LRBA: variants seen among roughly 807,000 people sequenced by gnomAD.
The protein encoded by LRBA is lipopolysaccharide-responsive and beige-like anchor protein.
In LRBA, 176 loss-of-function variants were observed where a neutral mutation model predicts 330.0. That is an observed-to-expected ratio of 0.53 (90% CI 0.47 to 0.60). The LOEUF (loss-of-function observed/expected upper bound fraction) is 0.60. Among genes scored for constraint, LRBA ranks in the 20% least tolerant of loss-of-function variants. The pLI is 0.00. For synonymous variants in LRBA, 1,230 were observed against 1,193.0 expected (o/e 1.03, Z -0.64); for missense variants, 3,259 against 3,444.8 (o/e 0.95, Z 1.35).
intron 40 of LRBA, among the ~76,000 whole-genome samples, chr4:150,560,035 TA>T (rs748645482): frequency 7.1e-6 from 1 of 141,056 alleles, no homozygotes; most frequent in Admixed American, 8.0e-5. Context: ...CAGGTTAAAG[TA>T]TTATCTCAAA....
intron 40 of LRBA, chr4:150,579,570 A>G (rs1251316470): frequency 7.0e-6 from 3 of 430,248 alleles, no homozygotes; most frequent in Non-Finnish European, 1.4e-5. Flanking sequence ...AAACATTTGT[A>G]ACGTTTTATC....
At chr4:150,387,872 G>A (rs910163247) in intron 47 of LRBA, among the ~76,000 whole-genome samples, 1 of 152,162 alleles carries the variant, frequency 6.6e-6, no homozygotes, top group Admixed American at 6.5e-5. Flanking sequence ...AGATTTGACA[G>A]CTATTACAGG....
At chr4:150,888,210 G>C (rs1035114893) in intron 17 of LRBA, among the ~76,000 whole-genome samples, 1 of 152,098 alleles carries the variant, frequency 6.6e-6, no homozygotes, top group African/African-American at 2.4e-5. Context: ...AATATCCTTG[G>C]AGAGTGAAGG....
At chr4:150,346,757 C>CCAAAAAAAA (rs1206950764) in intron 48 of LRBA, among the ~76,000 whole-genome samples, 7 of 66,152 alleles carry the variant, frequency 1.1e-4, no homozygotes, top group African/African-American at 5.4e-4. Flanking sequence ...GACTCTGTCT[C>CCAAAAAAAA]AAAAAAAAAA....
At chr4:150,422,859 TCCA>T in intron 46 of LRBA, 2 of 1,253,616 alleles carry the variant, frequency 1.6e-6, no homozygotes, top group South Asian at 2.4e-5. Context: ...CACCACGTGA[TCCA>T]CCAGGGCCTC....
At chr4:150,930,228 T>A (rs575828150) in intron 2 of LRBA, among the ~76,000 whole-genome samples, 1 of 151,930 alleles carries the variant, frequency 6.6e-6, no homozygotes, top group African/African-American at 2.4e-5. Context: ...GGTAGGAGAA[T>A]CACTTGAACC....
intron 17 of LRBA, among the ~76,000 whole-genome samples, chr4:150,888,463 G>C (rs1005823711): frequency 6.6e-6 from 1 of 152,102 alleles, no homozygotes. Flanking sequence ...CTTATTAACT[G>C]TCTGGAGGCG....
At chr4:150,419,466 G>C (rs1748273663) in intron 46 of LRBA, among the ~76,000 whole-genome samples, 1 of 151,954 alleles carries the variant, frequency 6.6e-6, no homozygotes, top group Non-Finnish European at 1.5e-5. Flanking sequence ...AGAAAAGAAG[G>C]TCCCTGCCCT....
chr4:150,999,304 A>G (rs1329847280), intron 2 of LRBA, among the ~76,000 whole-genome samples: 1 of 152,200 alleles, frequency 6.6e-6, no homozygotes, highest in Non-Finnish European at 1.5e-5. Context: ...TAAAATCTCT[A>G]TATAAATATG....
At position 150,561,523 on chromosome 4, in the gene LRBA, C is replaced by T. The variant is rs150722213; in HGVS notation, c.6330+26525G>A. Among the ~76,000 whole-genome samples, 637 of 152,246 alleles carry T rather than the reference C, an allele frequency of 4.2e-3. 4 individuals carry two copies. The highest frequency in any genetic ancestry group is 0.014 in the African/African-American group (588 of 41,544). ...AGTACCTTAAAGTACAAGAGGGTGG[C>T]AGATTAAGTCAGAGTGATGCAATAT... On this transcript the variant is annotated intron_variant, in intron 40 of 56. Transcript: ENST00000651943.
chr4:150,639,267 G>A (rs1225031757), intron 37 of LRBA, among the ~76,000 whole-genome samples: 2 of 138,422 alleles, frequency 1.4e-5, no homozygotes, highest in South Asian at 2.4e-4. Context: ...GCTAGATGAC[G>A]AGTTAGTGGG....
At chr4:150,905,590 T>C (rs1200493383) in intron 13 of LRBA, among the ~76,000 whole-genome samples, 1 of 152,006 alleles carries the variant, frequency 6.6e-6, no homozygotes, top group Admixed American at 6.6e-5. Context: ...TTTAAAATAA[T>C]GATATTGTTT....
At chr4:150,487,070 C>A (rs147933701) in intron 42 of LRBA, among the ~76,000 whole-genome samples, 1 of 151,620 alleles carries the variant, frequency 6.6e-6, no homozygotes, top group South Asian at 2.1e-4. Flanking sequence ...TGTATCTTGG[C>A]TATTGGGAGT....
chr4:150,915,737 C>CA lies in LRBA; in HGVS notation c.895-11dup, dbSNP rs762371000. 153 of 1,571,714 alleles carry CA rather than the reference C, an allele frequency of 9.7e-5. 1 individual carries two copies. The highest frequency in any genetic ancestry group is 2.1e-4 in the South Asian group (17 of 82,876). On this transcript the variant is annotated splice_polypyrimidine_tract_variant and intron_variant, in intron 7 of 56. Transcript: ENST00000651943. The stretch of plus-strand genomic sequence containing the variant: ...TGGTAACCATATACCACTGCAGAAG[C>CA]AAAAAACAGTTAAAAATACAAAGAT...
At position 150,980,564 on chromosome 4, in the gene LRBA, C is replaced by T. The variant is rs567642128; in HGVS notation, c.216+33863G>A. ...GGAGAGGGGGCTGAGGCAGGAGAAT[C>T]GCTTGAACCTGGGAGGCGGAGGTTG... On this transcript the variant is annotated intron_variant, in intron 2 of 56. Transcript: ENST00000651943. Among the ~76,000 whole-genome samples, 5 of 152,172 alleles carry T rather than the reference C, an allele frequency of 3.3e-5. No homozygotes were observed. In the East Asian group the frequency reaches 5.8e-4, roughly 18 times the overall value.
chr4:150,771,564 G>T (rs1166559686), intron 34 of LRBA, among the ~76,000 whole-genome samples: 2 of 152,212 alleles, frequency 1.3e-5, no homozygotes, highest in African/African-American at 2.4e-5. Context: ...TGTATCCAGA[G>T]TGAGTGTCTA....
At chr4:150,956,940 G>A (rs1181656922) in intron 2 of LRBA, among the ~76,000 whole-genome samples, 1 of 149,040 alleles carries the variant, frequency 6.7e-6, no homozygotes, top group South Asian at 2.1e-4. Context: ...AACCAATTAG[G>A]TATTTTATCT....
rs1735231437 is a variant in LRBA at position 150,339,649 on chromosome 4, T to C, written c.7362+10343A>G. Among the ~76,000 whole-genome samples the C allele has an allele frequency of 3.3e-5, 5 of 152,238 alleles. No homozygotes were observed. In the South Asian group the frequency reaches 8.3e-4, roughly 25 times the overall value. On this transcript the variant is annotated intron_variant, in intron 48 of 56. Transcript: ENST00000651943. ...ATTTTGGGGTCCATAATTCCAGACT[T>C]TTCCTCATGCATTTGTATTTTATAT...
chr4:150,699,499 G>T (rs1784931769), intron 36 of LRBA, among the ~76,000 whole-genome samples: 1 of 152,162 alleles, frequency 6.6e-6, no homozygotes, highest in Admixed American at 6.5e-5. Flanking sequence ...ACTCTATCCA[G>T]CAATAGTGTA....
Sources: gnomAD v4.1 joint callset for allele counts (sites outside exome capture counted in the v4.1 genomes callset) on GRCh38, gnomAD v4.1.1 for gene constraint, MANE v1.5 for transcripts, NCBI Gene and HGNC (gene_info 2026-07-23, HGNC 2026-07-21) for gene names.